HEATR5A: variants seen among roughly 807,000 people sequenced by gnomAD.
HEATR5A encodes the protein HEAT repeat-containing protein 5A.
In HEATR5A, 178 loss-of-function variants were observed where a neutral mutation model predicts 218.8. The ratio of observed to expected loss-of-function variants is 0.81; its 90% confidence interval spans 0.72 to 0.92. The LOEUF is 0.92. Among genes scored for constraint, HEATR5A ranks in the 40% least tolerant of loss-of-function variants. The pLI is 0.00. For missense variants in HEATR5A, 2,420 were observed against 2,418.9 expected, an observed-to-expected ratio of 1.00 and a Z score of -0.01; for synonymous variants, 864 against 871.6, an observed-to-expected ratio of 0.99 and a Z score of 0.15.
At chr14:31,358,507 A>G in intron 16 of HEATR5A, 130 bp downstream of exon 16, 1 of 833,596 alleles carries the variant, frequency 1.2e-6, no homozygotes, top group Non-Finnish European at 1.9e-6. Context: ...TGAATAATTA[A>G]ACAAAAACTT....
intron 21 of HEATR5A, among the ~76,000 whole-genome samples, chr14:31,341,740 T>G (rs937352797): frequency 6.6e-6 from 1 of 152,100 alleles, no homozygotes; most frequent in African/African-American, 2.4e-5. Flanking sequence ...TTATTCTTGT[T>G]CTTCATTTCT....
chr14:31,399,579 C>A lies in HEATR5A; in HGVS notation c.338+722G>T, dbSNP rs553318539. ...GTGCAATGGCTCATGCCTGTAATCC[C>A]AATACTTTGGGAGGCCAAGGTGGGT... On this transcript the variant is annotated intron_variant, in intron 3 of 35. Transcript: ENST00000543095. 6.6e-5 allele frequency among the ~76,000 whole-genome samples: 10 copies of A among 152,224 alleles called. No individual in the cohort carries two copies. The South Asian group carries it at 2.1e-3, about 32-fold the overall frequency.
At chr14:31,375,004 C>G in intron 11 of HEATR5A, 36 bp from the exon 12 acceptor site, 1 of 1,541,586 alleles carries the variant, frequency 6.5e-7, no homozygotes, top group Non-Finnish European at 8.8e-7. Context: ...GTAAGAGAAT[C>G]CAAGGTTGTC....
At chr14:31,359,113 G>C in intron 14 of HEATR5A, 56 bp from the exon 15 acceptor site, 1 of 1,529,558 alleles carries the variant, frequency 6.5e-7, no homozygotes. Context: ...GTGAGAGTAT[G>C]GGATTTAAAA....
chr14:31,407,379 C>T (rs2031106594), intron 1 of HEATR5A, among the ~76,000 whole-genome samples: 1 of 152,114 alleles, frequency 6.6e-6, no homozygotes, highest in South Asian at 2.1e-4. Flanking sequence ...ACTTGGGAAT[C>T]TTGCATTAAG....
At chr14:31,371,289 C>T (rs1902028087) in intron 13 of HEATR5A, among the ~76,000 whole-genome samples, 1 of 152,090 alleles carries the variant, frequency 6.6e-6, no homozygotes, top group African/African-American at 2.4e-5. Context: ...TATTATTATA[C>T]CTTATAAGCC....
intron 1 of HEATR5A, 44 bp from the exon 2 acceptor site, chr14:31,403,093 G>A: frequency 8.0e-6 from 7 of 879,534 alleles, no homozygotes; most frequent in South Asian, 6.5e-5. Context: ...GGGGTAAAAA[G>A]GAAGGCAATC....
intron 3 of HEATR5A, among the ~76,000 whole-genome samples, chr14:31,399,830 AAACAGGAAAAAAAAG>A (rs2030805740): frequency 6.6e-6 from 1 of 152,172 alleles, no homozygotes. Context: ...CTGTCTCAAA[AAACAGGAAAAAAAAG>A]AAATATTACA....
At chr14:31,344,880 A>C (rs1277616953) in intron 20 of HEATR5A, among the ~76,000 whole-genome samples, 1 of 152,234 alleles carries the variant, frequency 6.6e-6, no homozygotes, top group African/African-American at 2.4e-5. Flanking sequence ...TTAACTGTTA[A>C]GGAAGGCATC....
In HEATR5A at chr14:31,318,194, T is replaced by A. The variant is rs1415401563; in HGVS notation, c.4038+30A>T. ...ACTGGAGGACTGCTTCCCAAGATTA[T>A]CTCTTAAGCTTCATCTTTTAACCAT... is the stretch of plus-strand genomic sequence containing the variant. On this transcript the variant is annotated intron_variant, in intron 26 of 35. Transcript: ENST00000543095. The A allele has an allele frequency of 1.9e-6, 3 of 1,589,224 alleles. No individual in the cohort carries two copies. In the African/African-American group the frequency reaches 4.0e-5, roughly 21 times the overall value.
rs1899808218 is a variant in HEATR5A at position 31,313,072 on chromosome 14, A to G, written c.4337T>C (p.Val1446Ala). Residue 1446 changes from valine to alanine, a missense_variant, in exon 28 of 36, where the codon GTC (valine) becomes GCC (alanine). Coordinates refer to ENST00000543095, the MANE Select transcript of HEATR5A (RefSeq NM_015473.4). Reference sequence around the variant, plus strand: ...GCTTAGTGTGCCAAGATCTGCATAGACTAAGTCAAGCAGTCCATCTGATGA... The same window carrying G: ...GCTTAGTGTGCCAAGATCTGCATAGGCTAAGTCAAGCAGTCCATCTGATGA... ...SCSSDGLLDL[V>A]YADLGTLSRL... is the part of the protein sequence containing the mutation. 3 of 1,613,770 alleles carry G rather than the reference A, an allele frequency of 1.9e-6. No homozygotes were observed. The highest frequency in any genetic ancestry group is 2.5e-6 in the Non-Finnish European group (3 of 1,179,692).
chr14:31,326,402 G>T, intron 22 of HEATR5A, 60 bp from the exon 23 acceptor site: 1 of 1,186,186 alleles, frequency 8.4e-7, no homozygotes, highest in Non-Finnish European at 1.2e-6. Context: ...CATATCAGAA[G>T]CTCACACATT....
rs373587764 is a variant in HEATR5A, at chr14:31,387,289, C to T, written c.1020G>A (p.Ala340=). 1.7e-5 allele frequency: 28 copies of T among 1,613,778 alleles called. No individual in the cohort carries two copies. Among genetic ancestry groups the T allele is most frequent in the South Asian group, 3.3e-5 (3 of 91,078 alleles). ...GGGTGGCTTTAGGGTGTGACGGTGA[C>T]GCAAGGCTTAGGATATGAGAAAAAA... ...AAFFSHILSL[A]SPSHPKATQT... is the part of the protein sequence containing the mutation. Residue 340 remains alanine (A), a synonymous_variant, in exon 8 of 36, where the codon GCG becomes GCA. Transcript: ENST00000543095.
chr14:31,372,055 G>T, intron 12 of HEATR5A, 146 bp from the exon 13 acceptor site: 1 of 494,832 alleles, frequency 2.0e-6, no homozygotes, highest in Non-Finnish European at 3.6e-6. Context: ...AGTATAAAAA[G>T]GTATATAGTG....
chr14:31,395,440 T>C lies in HEATR5A; in HGVS notation c.448-92A>G, dbSNP rs1595171776. The C allele has an allele frequency of 1.5e-5, 9 of 596,968 alleles. 1 individual carries two copies. The East Asian group carries it at 2.5e-4, about 17-fold the overall frequency. The allele number at this position is 596,968 out of a possible 1,614,324, so 37.0% of individuals were successfully genotyped here. A position where few individuals can be genotyped will look rare whatever the true frequency, so the allele number is the denominator to read the frequency against. ...ATATCTGTCTCTCATACTGAAGAAATATCCAGACTTCTCTACATACTAACC... is the reference window on the plus strand; with the variant it reads ...ATATCTGTCTCTCATACTGAAGAAACATCCAGACTTCTCTACATACTAACC... On this transcript the variant is annotated intron_variant, in intron 4 of 35. Transcript: ENST00000543095.
At chr14:31,326,802 C>T (rs1900283014) in intron 22 of HEATR5A, among the ~76,000 whole-genome samples, 1 of 151,904 alleles carries the variant, frequency 6.6e-6, no homozygotes, top group Non-Finnish European at 1.5e-5. Flanking sequence ...GCCACCACGC[C>T]CAGCTAATTT....
At chr14:31,321,896 T>C (rs1005799704) in intron 24 of HEATR5A, among the ~76,000 whole-genome samples, 1 of 152,218 alleles carries the variant, frequency 6.6e-6, no homozygotes, top group Admixed American at 6.5e-5. Context: ...CTAGTAAGTA[T>C]ATCCAGCTAC....
intron 22 of HEATR5A, among the ~76,000 whole-genome samples, chr14:31,336,683 A>G (rs1191700409): frequency 1.3e-5 from 2 of 152,194 alleles, no homozygotes; most frequent in Non-Finnish European, 2.9e-5. Context: ...TCTATAATAA[A>G]TTTTATGAAA....
At chr14:31,299,297 T>C (rs1222307568) in intron 33 of HEATR5A, among the ~76,000 whole-genome samples, 2 of 152,232 alleles carry the variant, frequency 1.3e-5, no homozygotes, top group Non-Finnish European at 1.5e-5. Context: ...CATTTTACTT[T>C]TCATCATTTT....
Sources: gnomAD v4.1 joint callset for allele counts (sites outside exome capture counted in the v4.1 genomes callset) on GRCh38, gnomAD v4.1.1 for gene constraint, MANE v1.5 for transcripts, NCBI Gene and HGNC (gene_info 2026-07-23, HGNC 2026-07-21) for gene names.